ADCY5: variants seen among roughly 807,000 people sequenced by gnomAD.
The protein encoded by ADCY5 is adenylate cyclase type 5.
ADCY5 carries 30 observed loss-of-function variants against 119.7 expected under a neutral mutation model. That is an observed-to-expected ratio of 0.25 (90% CI 0.19 to 0.34). ADCY5 has a LOEUF of 0.34. ADCY5 is among the 10% of genes least tolerant of loss of function. The probability of loss-of-function intolerance (pLI) is 1.00; values close to 1 mark genes in which losing one functional copy is unlikely to be tolerated. For missense variants in ADCY5, 1,324 were observed against 1,775.2 expected (o/e 0.75, Z 4.57); for synonymous variants, 753 against 762.2 (o/e 0.99, Z 0.20).
At chr3:123,404,683 CGCAGGGG>C (rs1944856285) in intron 1 of ADCY5, 3 of 152,212 alleles carry the variant, frequency 2.0e-5, no homozygotes, top group Non-Finnish European at 4.4e-5. Context: ...AGCTCCCAGC[CGCAGGGG>C]CTCTGAGGGT....
chr3:123,370,862 G>A (rs974636646), intron 1 of ADCY5, among the ~76,000 whole-genome samples: 3 of 151,536 alleles, frequency 2.0e-5, no homozygotes, highest in Non-Finnish European at 4.4e-5. Flanking sequence ...CCCACCACGT[G>A]CTCTGGGGCA....
chr3:123,289,483 G>T (rs567484891), intron 19 of ADCY5, among the ~76,000 whole-genome samples: 3 of 152,250 alleles, frequency 2.0e-5, no homozygotes, highest in African/African-American at 7.2e-5. Flanking sequence ...AGTGAGGTGG[G>T]AACTCACCAA....
In ADCY5 at chr3:123,303,100, C is replaced by G; in HGVS notation, c.2679G>C (p.Glu893Asp). Residue 893 changes from glutamate to aspartate, a missense_variant, in exon 14 of 21, where the codon GAG (glutamate) becomes GAC (aspartate). Around this residue, in one of 6 missense-constraint regions of ADCY5, gnomAD observed 424 missense variants for 546.8 expected, o/e 0.78. Coordinates refer to ENST00000462833, the MANE Select transcript of ADCY5 (RefSeq NM_183357.3). Reference sequence around the variant, plus strand: ...GCCAGGGGCTGCCACAGAAGCCCTGCTCATCGCCCAGGCTGTAGTTGACGG... The same window carrying G: ...GCCAGGGGCTGCCACAGAAGCCCTGGTCATCGCCCAGGCTGTAGTTGACGG... ...ESAVNYSLGD[E>D]QGFCGSPWPN... is the part of the protein sequence containing the mutation. 1 of 1,613,864 alleles carries G rather than the reference C, an allele frequency of 6.2e-7. No homozygotes were observed. Among genetic ancestry groups the G allele is most frequent in the Non-Finnish European group, 8.5e-7 (1 of 1,180,024 alleles).
chr3:123,373,203 G>A (rs1943695799), intron 1 of ADCY5, among the ~76,000 whole-genome samples: 1 of 152,224 alleles, frequency 6.6e-6, no homozygotes, highest in Non-Finnish European at 1.5e-5. Flanking sequence ...GTAATGACTG[G>A]TGTGTCCCAA....
chr3:123,408,906 C>T (rs1308412127), intron 1 of ADCY5, among the ~76,000 whole-genome samples: 4 of 151,936 alleles, frequency 2.6e-5, no homozygotes, highest in Admixed American at 2.6e-4. Flanking sequence ...ACCCAGGAGG[C>T]AGAGGTTGCA....
intron 1 of ADCY5, among the ~76,000 whole-genome samples, chr3:123,399,848 G>T (rs1944704865): frequency 6.6e-6 from 1 of 152,172 alleles, no homozygotes; most frequent in Admixed American, 6.5e-5. Context: ...GCATGAGTCA[G>T]TTCATGTAAC....
intron 1 of ADCY5, among the ~76,000 whole-genome samples, chr3:123,443,722 T>A (rs1203890571): frequency 1.3e-5 from 2 of 152,122 alleles, no homozygotes; most frequent in Non-Finnish European, 2.9e-5. Flanking sequence ...GGGAGATGGG[T>A]TGTCCCACAC....
At chr3:123,419,219 A>G in intron 1 of ADCY5, 1 of 985,358 alleles carries the variant, frequency 1.0e-6, no homozygotes, top group Middle Eastern at 5.2e-4. Flanking sequence ...TGACGAGCAC[A>G]CAGTCAGGTG....
At chr3:123,420,627 G>C (rs191185739) in intron 1 of ADCY5, among the ~76,000 whole-genome samples, 3 of 152,126 alleles carry the variant, frequency 2.0e-5, no homozygotes, top group Non-Finnish European at 4.4e-5. Flanking sequence ...TCGCCACCCC[G>C]GTCTGCTCAG....
At chr3:123,361,221 G>A (rs908663766) in intron 1 of ADCY5, among the ~76,000 whole-genome samples, 3 of 152,094 alleles carry the variant, frequency 2.0e-5, no homozygotes, top group South Asian at 2.1e-4. Flanking sequence ...AATGTCCTCC[G>A]GGGGCACACT....
intron 1 of ADCY5, among the ~76,000 whole-genome samples, chr3:123,396,586 AAG>A (rs1442042019): frequency 2.1e-5 from 3 of 142,782 alleles, no homozygotes; most frequent in Non-Finnish European, 3.1e-5. Flanking sequence ...AAGAAAAGAA[AAG>A]AGAAGAAAAA....
chr3:123,293,532 C>T (rs540270857), intron 17 of ADCY5, among the ~76,000 whole-genome samples: 49 of 151,754 alleles, frequency 3.2e-4, no homozygotes, highest in Non-Finnish European at 6.3e-4. Context: ...CCTACACACA[C>T]GCACATGCAC....
chr3:123,347,642 G>A, intron 3 of ADCY5, 140 bp downstream of exon 3: 3 of 1,110,472 alleles, frequency 2.7e-6, no homozygotes, highest in Non-Finnish European at 4.0e-6. Context: ...GGAGGGGTGG[G>A]GCTGGCATGC....
intron 12 of ADCY5, among the ~76,000 whole-genome samples, chr3:123,308,284 G>A (rs1047482423): frequency 3.3e-5 from 5 of 151,462 alleles, no homozygotes; most frequent in South Asian, 2.1e-4. Flanking sequence ...TGATCCGCCC[G>A]CCTCAGCCTC....
At chr3:123,406,861 G>A (rs1026983379) in intron 1 of ADCY5, among the ~76,000 whole-genome samples, 1 of 152,088 alleles carries the variant, frequency 6.6e-6, no homozygotes, top group Non-Finnish European at 1.5e-5. Context: ...ACACGCCACT[G>A]CCTTCCTTGG....
chr3:123,401,849 G>A (rs1944763601), intron 1 of ADCY5, among the ~76,000 whole-genome samples: 1 of 152,184 alleles, frequency 6.6e-6, no homozygotes, highest in Non-Finnish European at 1.5e-5. Context: ...AAGGGTCTTA[G>A]AAATATACCG....
At position 123,400,787 on chromosome 3, in the gene ADCY5, A is replaced by G. The variant is rs1944726849; in HGVS notation, c.1134+46625T>C. On this transcript the variant is annotated intron_variant, in intron 1 of 20. Coordinates refer to ENST00000462833, the MANE Select transcript of ADCY5 (RefSeq NM_183357.3). ...TGGTGAAACCCCATCTCTACTAAAA[A>G]TACAAAATTAGCCAGGTGTGGTGGC... 2.6e-5 allele frequency among the ~76,000 whole-genome samples: 4 copies of G among 152,056 alleles called. No individual in the cohort carries two copies. The South Asian group carries it at 8.3e-4, about 32-fold the overall frequency.
rs144214981 is a variant in ADCY5, at chr3:123,330,900, G to A, written c.1635C>T (p.Ile545=). The A allele has an allele frequency of 3.5e-5, 56 of 1,612,312 alleles. No homozygotes were observed. Among genetic ancestry groups the A allele is most frequent in the Middle Eastern group, 1.7e-4 (1 of 6,028 alleles). The change falls in exon 5 of 21, where the codon ATC becomes ATT. Residue 545 remains isoleucine, a synonymous_variant. Transcript: ENST00000462833. The part of the protein sequence containing the change: ...HCCVEMGMDM[I]EAISLVREVT... ...GGGTGGACACTTACGAGATGGCCTCGATCATGTCCATGCCCATCTCCACAC... is the reference window on the plus strand; with the variant it reads ...GGGTGGACACTTACGAGATGGCCTCAATCATGTCCATGCCCATCTCCACAC...
At position 123,447,604 on chromosome 3, in the gene ADCY5, C is replaced by A; in HGVS notation, c.942G>T (p.Val314=). The A allele has an allele frequency of 6.2e-7, 1 of 1,607,566 alleles. No individual in the cohort carries two copies. The highest frequency in any genetic ancestry group is 8.5e-7 in the Non-Finnish European group (1 of 1,178,790). Reference sequence around the variant, plus strand: ...GTGGCTGCGGCAGCAGCAGGCCCACCACCTGGACGGCCAGCACCACGGCGA... The same window carrying A: ...GTGGCTGCGGCAGCAGCAGGCCCACAACCTGGACGGCCAGCACCACGGCGA... ...ALIAVVLAVQ[V]VGLLLPQPRS... Residue 314 remains valine, a synonymous_variant, in exon 1 of 21, where the codon GTG becomes GTT. Transcript: ENST00000462833.
Sources: allele counts gnomAD v4.1 joint callset (sites outside exome capture counted in the v4.1 genomes callset), GRCh38; gene constraint gnomAD v4.1.1; regional missense constraint gnomAD v4.1.1; transcripts MANE v1.5; gene names NCBI Gene and HGNC (gene_info 2026-07-23, HGNC 2026-07-21).